The following SLC38A9 variants were observed in gnomAD, a reference collection of about 807,000 sequenced individuals.
SLC38A9 encodes neutral amino acid transporter 9.
In SLC38A9, 48 loss-of-function variants were observed where a neutral mutation model predicts 62.3. The observed-to-expected ratio is 0.77, with a 90% CI of 0.61 to 0.98. SLC38A9 has a LOEUF of 0.98. Ranked by LOEUF, SLC38A9 falls within the 50% of genes least tolerant of loss-of-function variation. The probability of loss-of-function intolerance (pLI) is 0.00; values close to 1 mark genes in which losing one functional copy is unlikely to be tolerated. For missense variants in SLC38A9, 541 were observed against 679.8 expected, an observed-to-expected ratio of 0.80 and a Z score of 2.27; for synonymous variants, 204 against 227.7, an observed-to-expected ratio of 0.90 and a Z score of 0.94.
intron 3 of SLC38A9, among the ~76,000 whole-genome samples, chr5:55,679,095 TTA>T (rs1491539840): frequency 6.6e-6 from 1 of 151,462 alleles, no homozygotes; most frequent in Non-Finnish European, 1.5e-5. Flanking sequence ...TTTATCAAGA[TTA>T]TGTCTTTCTA....
chr5:55,639,011 G>A (rs529917433), intron 12 of SLC38A9, among the ~76,000 whole-genome samples: 3 of 152,118 alleles, frequency 2.0e-5, no homozygotes, highest in Non-Finnish European at 4.4e-5. Flanking sequence ...TTTTTGGTAA[G>A]ATACGACAAA....
At chr5:55,701,003 C>T (rs997275414) in intron 2 of SLC38A9, among the ~76,000 whole-genome samples, 5 of 152,132 alleles carry the variant, frequency 3.3e-5, no homozygotes, top group Non-Finnish European at 5.9e-5. Flanking sequence ...TATCATAGCT[C>T]GTGCTGCCCA....
At position 55,645,812 on chromosome 5, in the gene SLC38A9, T is replaced by C. The variant is rs145248317; in HGVS notation, c.1144A>G (p.Asn382Asp). 93 of 1,608,664 alleles carry C rather than the reference T, an allele frequency of 5.8e-5. 1 individual carries two copies. In the East Asian group the frequency reaches 1.8e-3, roughly 31 times the overall value. Residue 382 changes from asparagine to aspartate, a missense_variant, in exon 12 of 16, where the codon AAC becomes GAC. Coordinates refer to ENST00000396865, the MANE Select transcript of SLC38A9 (RefSeq NM_173514.4). The stretch of plus-strand genomic sequence containing the variant: ...ACATTGTTTTCTTGTTTCTTGTTGT[T>C]CTTCAAGAGTGTGATGATACAATTA... ...IHNCIITLLK[N>D]NKKQENNVRD...
chr5:55,631,194 T>C (rs543137525), intron 14 of SLC38A9, among the ~76,000 whole-genome samples: 11 of 152,258 alleles, frequency 7.2e-5, no homozygotes, highest in African/African-American at 2.6e-4. Context: ...CTGATAGCTA[T>C]ACCTGCATAA....
At chr5:55,639,824 G>A (rs1303562523) in intron 12 of SLC38A9, among the ~76,000 whole-genome samples, 2 of 151,808 alleles carry the variant, frequency 1.3e-5, no homozygotes, top group Non-Finnish European at 2.9e-5. Context: ...AATGTTGCTG[G>A]CACATAGTGC....
rs771907229 is a variant in SLC38A9 at position 55,649,185 on chromosome 5, A to G, written c.1060+22T>C. ...GGTTAAGATCACATTATTATAATTT[A>G]TTATTTTGCCAAAAAGCTCACCTGG... On this transcript the variant is annotated intron_variant, in intron 11 of 15. Transcript: ENST00000396865. 1.9e-5 allele frequency: 25 copies of G among 1,350,218 alleles called. No homozygotes were observed. In the Admixed American group the frequency reaches 5.3e-4, roughly 29 times the overall value. The allele number at this position is 1,350,218 out of a possible 1,614,324, so 83.6% of individuals were successfully genotyped here.
intron 3 of SLC38A9, among the ~76,000 whole-genome samples, chr5:55,689,382 T>C (rs534320864): frequency 7.2e-5 from 11 of 152,344 alleles, no homozygotes; most frequent in African/African-American, 2.4e-4. Context: ...TTCCTTATCA[T>C]TGGCCTATAG....
Position 55,652,589 on chromosome 5 carries a change from G to C in SLC38A9, c.892C>G (p.Leu298Val). 6.2e-7 allele frequency: 1 copy of C among 1,611,746 alleles called. No individual in the cohort carries two copies. Among genetic ancestry groups the C allele is most frequent in the Non-Finnish European group, 8.5e-7 (1 of 1,178,706 alleles). Residue 298 changes from leucine to valine, a missense_variant, in exon 10 of 16, where the codon CTC becomes GTC. Physicochemically the swap from Leu to Val is conservative, Grantham distance 32. Coordinates refer to ENST00000396865, the MANE Select transcript of SLC38A9 (RefSeq NM_173514.4). ...TTGAAATTGAGCAGTGGGAGGAGGA[G>C]CCCTACAAGATAAAAGGGGACTGTC... is the stretch of plus-strand genomic sequence containing the variant. ...SRTVPFYLVG[L>V]LLPLLNFKSP... is the part of the protein sequence containing the mutation.
intron 9 of SLC38A9, among the ~76,000 whole-genome samples, chr5:55,655,746 C>G (rs1470329034): frequency 6.6e-6 from 1 of 152,152 alleles, no homozygotes; most frequent in Non-Finnish European, 1.5e-5. Flanking sequence ...GAATCATCCT[C>G]TTAGTGATCA....
intron 7 of SLC38A9, among the ~76,000 whole-genome samples, chr5:55,666,971 C>T (rs564416941): frequency 8.0e-5 from 12 of 150,058 alleles, no homozygotes; most frequent in Admixed American, 2.0e-4. Flanking sequence ...GCTGAGATCG[C>T]GCCACTGCAC....
rs1742394203 is a variant in SLC38A9 at position 55,626,224 on chromosome 5, C to T, written c.*270G>A. 2 of 254,696 alleles carry T rather than the reference C, an allele frequency of 7.9e-6. No individual in the cohort carries two copies. Among genetic ancestry groups the T allele is most frequent in the Non-Finnish European group, 1.5e-5 (2 of 133,740 alleles). 15.8% of individuals were successfully genotyped at this position (254,696 alleles called of 1,614,324 possible). A position where few individuals can be genotyped will look rare whatever the true frequency, so the allele number is the denominator to read the frequency against. ...AAGCAAAACCCAGCATGATTTCTTC[C>T]TAGGGCATACATTTCTATTCAGAAA... is the stretch of plus-strand genomic sequence containing the variant. On this transcript the variant is annotated 3_prime_UTR_variant, in exon 16 of 16. Transcript: ENST00000396865.
intron 3 of SLC38A9, among the ~76,000 whole-genome samples, chr5:55,690,600 G>A (rs1426048678): frequency 1.3e-5 from 2 of 152,138 alleles, no homozygotes; most frequent in African/African-American, 4.8e-5. Context: ...CCCCTCCTGG[G>A]AAAACTACTT....
rs753266564 is a variant in SLC38A9 at position 55,633,794 on chromosome 5, C to G, written c.1390G>C (p.Val464Leu). 1 of 1,614,102 alleles carries G rather than the reference C, an allele frequency of 6.2e-7. No homozygotes were observed. Among genetic ancestry groups the G allele is most frequent in the South Asian group, 1.1e-5 (1 of 91,072 alleles). ...VYPLLGYLAR[V>L]QLLGHIFGDI... ...CCGAAGATATGGCCCAAAAGCTGGA[C>G]ACGAGCCAGGTAGCCTAAGAGTGGG... is the stretch of plus-strand genomic sequence containing the variant. Residue 464 changes from valine (V) to leucine (L), a missense_variant, in exon 14 of 16, where the codon GTC (valine) becomes CTC (leucine). Physicochemically the swap from Val to Leu is conservative, Grantham distance 32 (BLOSUM62 1). Transcript: ENST00000396865.
chr5:55,632,796 C>T (rs28767890), intron 14 of SLC38A9, among the ~76,000 whole-genome samples: 6,447 of 152,098 alleles, frequency 0.042, 221 homozygotes, highest in African/African-American at 0.092. Context: ...CTGCCCCAGA[C>T]GCAGATGAAA....
chr5:55,682,461 A>G (rs898706543), intron 3 of SLC38A9, among the ~76,000 whole-genome samples: 9 of 152,192 alleles, frequency 5.9e-5, no homozygotes, highest in African/African-American at 2.2e-4. Context: ...GGATGAGTTC[A>G]ATTTGTATTT....
At chr5:55,646,025 A>G (rs1746277020) in intron 11 of SLC38A9, 130 bp from the exon 12 acceptor site, 2 of 636,032 alleles carry the variant, frequency 3.1e-6, no homozygotes, top group South Asian at 4.0e-5. Flanking sequence ...AAATGTCTTT[A>G]CAAAGTTCCT....
chr5:55,683,298 C>T (rs1318256227), intron 3 of SLC38A9, among the ~76,000 whole-genome samples: 1 of 152,134 alleles, frequency 6.6e-6, no homozygotes, highest in Non-Finnish European at 1.5e-5. Flanking sequence ...TCATAGTGCA[C>T]TGTGGACTCA....
chr5:55,699,560 C>T (rs1003185197), intron 2 of SLC38A9, among the ~76,000 whole-genome samples: 2 of 151,936 alleles, frequency 1.3e-5, no homozygotes, highest in Admixed American at 6.6e-5. Context: ...TGAGTGAGAA[C>T]AAGAAACAAA....
chr5:55,685,876 A>G (rs1194515737), intron 3 of SLC38A9, among the ~76,000 whole-genome samples: 1 of 152,088 alleles, frequency 6.6e-6, no homozygotes, highest in Admixed American at 6.6e-5. Context: ...AAGTGAGTAC[A>G]TGTGGTATTT....
Sources: gnomAD v4.1 joint callset for allele counts (sites outside exome capture counted in the v4.1 genomes callset) on GRCh38, gnomAD v4.1.1 for gene constraint, MANE v1.5 for transcripts, NCBI Gene and HGNC (gene_info 2026-07-23, HGNC 2026-07-21) for gene names.